Variants in DSCAM observed in about 807,000 individuals in gnomAD.
The protein encoded by DSCAM is DS cell adhesion molecule.
A neutral mutation model predicts 217.7 loss-of-function variants in DSCAM; 47 were observed. That is an observed-to-expected ratio of 0.22 (90% CI 0.17 to 0.28). The LOEUF is 0.28. Among genes scored for constraint, DSCAM ranks in the 10% least tolerant of loss-of-function variants. The pLI, the probability that DSCAM is intolerant of heterozygous loss-of-function variation, is 1.00. For synonymous variants in DSCAM, 1,056 were observed against 1,015.3 expected (o/e 1.04, Z -0.76); for missense variants, 2,080 against 2,618.3 (o/e 0.79, Z 4.49).
rs2090927311 is a variant in DSCAM at position 40,189,097 on chromosome 21, G to C, written c.2498C>G (p.Ala833Gly). 1 of 1,614,118 alleles carries C rather than the reference G, an allele frequency of 6.2e-7. No homozygotes were observed. Among genetic ancestry groups the C allele is most frequent in the Non-Finnish European group, 8.5e-7 (1 of 1,180,014 alleles). ...KEDRIINPEMARYLVSTKEVG... is the reference protein window; with the variant it reads ...KEDRIINPEMGRYLVSTKEVG... ...CTCCTTGGTGGACACAAGATAACGG[G>C]CCATCTCAGGGTTAATGATTCGGTC... is the stretch of plus-strand genomic sequence containing the variant. The change falls in exon 12 of 33, where the codon GCC becomes GGC. Residue 833 changes from alanine (A) to glycine (G), a missense_variant. Around this residue, in one of 5 missense-constraint regions of DSCAM, gnomAD observed 1,144 missense variants for 1,421.1 expected, o/e 0.81. Coordinates refer to ENST00000400454, the MANE Select transcript of DSCAM (RefSeq NM_001389.5).
chr21:40,480,778 A>G (rs1041583812), intron 3 of DSCAM, among the ~76,000 whole-genome samples: 2 of 152,212 alleles, frequency 1.3e-5, no homozygotes, highest in Non-Finnish European at 2.9e-5. Flanking sequence ...GGCCATTATC[A>G]CTGACACTTT....
At chr21:40,244,733 C>T (rs983988282) in intron 11 of DSCAM, among the ~76,000 whole-genome samples, 14 of 152,074 alleles carry the variant, frequency 9.2e-5, no homozygotes, top group African/African-American at 1.7e-4. Context: ...GGGTGGGAAA[C>T]GTGAGCCAGA....
intron 11 of DSCAM, among the ~76,000 whole-genome samples, chr21:40,249,277 G>T (rs182886579): frequency 2.6e-5 from 4 of 152,154 alleles, no homozygotes; most frequent in African/African-American, 9.7e-5. Context: ...GTTGTGGGAG[G>T]GACCAGGTAA....
chr21:40,096,663 G>A (rs919702113), intron 20 of DSCAM, among the ~76,000 whole-genome samples: 4 of 151,710 alleles, frequency 2.6e-5, no homozygotes, highest in South Asian at 2.1e-4. Context: ...ACTGTAGCCC[G>A]CAGAGCCAAG....
At chr21:40,475,632 A>G (rs959744845) in intron 3 of DSCAM, among the ~76,000 whole-genome samples, 1 of 152,176 alleles carries the variant, frequency 6.6e-6, no homozygotes, top group African/African-American at 2.4e-5. Context: ...GGAGTTCAAG[A>G]CCAGCCTGAC....
chr21:40,060,224 A>G (rs2089094427), intron 28 of DSCAM, among the ~76,000 whole-genome samples: 1 of 152,176 alleles, frequency 6.6e-6, no homozygotes, highest in South Asian at 2.1e-4. Context: ...ACCATAATTA[A>G]TTCCTCCTCT....
At chr21:40,377,843 T>C (rs2074978791) in intron 3 of DSCAM, among the ~76,000 whole-genome samples, 1 of 152,116 alleles carries the variant, frequency 6.6e-6, no homozygotes, top group South Asian at 2.1e-4. Flanking sequence ...GCAAAGGGCC[T>C]CAGCTCCCTG....
intron 1 of DSCAM, among the ~76,000 whole-genome samples, chr21:40,714,104 T>C (rs528499199): frequency 6.6e-6 from 1 of 152,294 alleles, no homozygotes; most frequent in East Asian, 1.9e-4. Flanking sequence ...CCACCTAAAC[T>C]TCAAAGACTT....
chr21:40,099,361 AT>A (rs2089721884), intron 20 of DSCAM, among the ~76,000 whole-genome samples: 1 of 152,254 alleles, frequency 6.6e-6, no homozygotes, highest in African/African-American at 2.4e-5. Flanking sequence ...AAAAAGGTAT[AT>A]TCATAGAAAC....
chr21:40,386,594 T>C (rs1182306101), intron 3 of DSCAM, among the ~76,000 whole-genome samples: 1 of 152,180 alleles, frequency 6.6e-6, no homozygotes, highest in African/African-American at 2.4e-5. Flanking sequence ...AGAAATGAAA[T>C]AGTGAGTGCC....
intron 3 of DSCAM, among the ~76,000 whole-genome samples, chr21:40,624,066 C>T (rs1394370499): frequency 6.6e-6 from 1 of 152,094 alleles, no homozygotes; most frequent in Non-Finnish European, 1.5e-5. Context: ...TGATCATATA[C>T]ACCCATTCCA....
chr21:40,601,513 G>A (rs1409163612), intron 3 of DSCAM, among the ~76,000 whole-genome samples: 1 of 151,812 alleles, frequency 6.6e-6, no homozygotes, highest in Non-Finnish European at 1.5e-5. Context: ...TCCTTTTCTT[G>A]CCTTCCTGGA....
chr21:40,346,439 A>T (rs1046639636), intron 6 of DSCAM, among the ~76,000 whole-genome samples: 3 of 152,242 alleles, frequency 2.0e-5, no homozygotes, highest in Non-Finnish European at 4.4e-5. Context: ...ACTTACTTTC[A>T]CATATTAGTG....
rs1569063866 is a variant in DSCAM, at chr21:40,324,127, A to AAG, written c.1784-11769_1784-11768insCT. Among the ~76,000 whole-genome samples the AAG allele has an allele frequency of 4.5e-4, 58 of 129,072 alleles. 1 individual carries two copies. The South Asian group carries it at 0.013, about 29-fold the overall frequency. The allele number at this position is 129,072 out of a possible 152,430, so 84.7% of individuals were successfully genotyped here. A position where few individuals can be genotyped will look rare whatever the true frequency, so the allele number is the denominator to read the frequency against. ...TCAAAAAAAAAAAAAAAAAAAAAAA[A>AAG]AAAAGAAAAAAAAAAGAGAGAGAGA... On this transcript the variant is annotated intron_variant, in intron 8 of 32. Coordinates refer to ENST00000400454, the MANE Select transcript of DSCAM (RefSeq NM_001389.5).
chr21:40,581,372 T>C (rs927373686), intron 3 of DSCAM, among the ~76,000 whole-genome samples: 5 of 152,172 alleles, frequency 3.3e-5, no homozygotes, highest in Non-Finnish European at 7.3e-5. Flanking sequence ...ATCTTATCTC[T>C]GAAACTGGTG....
At chr21:40,090,481 G>A (rs8134903) in intron 21 of DSCAM, among the ~76,000 whole-genome samples, 3,806 of 152,200 alleles carry the variant, frequency 0.025, 166 homozygotes, top group African/African-American at 0.087. Flanking sequence ...AGGTCACCAC[G>A]ATCTTCCGTG....
chr21:40,629,951 A>G (rs1381002520), intron 3 of DSCAM, among the ~76,000 whole-genome samples: 1 of 152,226 alleles, frequency 6.6e-6, no homozygotes, highest in East Asian at 1.9e-4. Flanking sequence ...GTAAATGACA[A>G]TATAGACAAC....
chr21:40,527,269 A>G (rs1267381229), intron 3 of DSCAM, among the ~76,000 whole-genome samples: 1 of 152,152 alleles, frequency 6.6e-6, no homozygotes. Context: ...CATAGCCTTT[A>G]CAATGATCTT....
In DSCAM at chr21:40,011,216, C is replaced by A. The variant is rs2837371; in HGVS notation, c.*1818G>T. 0.17 allele frequency: 25,855 copies of A among 152,066 alleles called. 3,058 individuals carry two copies. The highest frequency in any genetic ancestry group is 0.39 in the East Asian group (2,011 of 5,152). The allele number at this position is 152,066 out of a possible 1,614,324, so 9.4% of individuals were successfully genotyped here. A position where few individuals can be genotyped will look rare whatever the true frequency, so the allele number is the denominator to read the frequency against. On this transcript the variant is annotated 3_prime_UTR_variant, in exon 33 of 33. Transcript: ENST00000400454. ...ATTACATTCTGAAACCATGGATGCA[C>A]ACCTCACATTCCTGGAGTCATCTAA...
Sources: allele counts gnomAD v4.1 joint callset (sites outside exome capture counted in the v4.1 genomes callset), GRCh38; gene constraint gnomAD v4.1.1; regional missense constraint gnomAD v4.1.1; transcripts MANE v1.5; gene names NCBI Gene and HGNC (gene_info 2026-07-23, HGNC 2026-07-21).